The following TBCE variants were observed in gnomAD, a reference collection of about 807,000 sequenced individuals.
TBCE encodes the protein tubulin folding cofactor E.
In TBCE, 53 loss-of-function variants were observed where a neutral mutation model predicts 77.0. That is an observed-to-expected ratio of 0.69 (90% confidence interval 0.55 to 0.87). TBCE has a LOEUF of 0.87. TBCE is among the 40% of genes least tolerant of loss of function. TBCE has a pLI of 0.00. For missense variants in TBCE, 624 were observed against 622.4 expected (o/e 1.00, Z -0.03); for synonymous variants, 235 against 241.3 (o/e 0.97, Z 0.24).
intron 2 of TBCE, among the ~76,000 whole-genome samples, chr1:235,393,082 AG>A (rs1430009649): frequency 2.6e-5 from 4 of 152,188 alleles, no homozygotes; most frequent in African/African-American, 9.6e-5. Flanking sequence ...CTTCCCATAT[AG>A]AGAAAAATCT....
At chr1:235,371,864 G>C (rs1676979057) in intron 1 of TBCE, among the ~76,000 whole-genome samples, 1 of 152,134 alleles carries the variant, frequency 6.6e-6, no homozygotes. Context: ...GTAGAGGTGG[G>C]GGTTTCACCA....
chr1:235,402,215 G>A (rs889726860), intron 3 of TBCE, among the ~76,000 whole-genome samples: 14 of 150,936 alleles, frequency 9.3e-5, no homozygotes, highest in Non-Finnish European at 1.5e-4. Context: ...AGGTGCCCAC[G>A]ACCACGCCTG....
At chr1:235,402,890 C>G (rs537989261) in intron 3 of TBCE, among the ~76,000 whole-genome samples, 1 of 152,276 alleles carries the variant, frequency 6.6e-6, no homozygotes, top group African/African-American at 2.4e-5. Context: ...CTCGGCTTCT[C>G]AAAGTGCTGG....
intron 1 of TBCE, among the ~76,000 whole-genome samples, chr1:235,371,832 C>T (rs1201360768): frequency 6.6e-6 from 1 of 152,088 alleles, no homozygotes; most frequent in Admixed American, 6.6e-5. Flanking sequence ...GCCAGCATAC[C>T]CAGCTAATTT....
rs1238630472 is a variant in TBCE at position 235,380,140 on chromosome 1, C to T, written c.91C>T (p.Pro31Ser). The stretch of plus-strand genomic sequence containing the variant: ...AGTACGTTTTGCTGGTGTTGTCCCT[C>T]CCGTGGCAGGTAAGCAATTATTGTG... ...ATVRFAGVVP[P>S]VAGPWLGVEW... is the part of the protein sequence containing the mutation. Residue 31 changes from proline to serine, a missense_variant, in exon 2 of 17, where the codon CCC becomes TCC. Coordinates refer to ENST00000642610, the MANE Select transcript of TBCE (RefSeq NM_003193.5). The T allele has an allele frequency of 6.2e-7, 1 of 1,611,100 alleles. No homozygotes were observed. The highest frequency in any genetic ancestry group is 1.1e-5 in the South Asian group (1 of 91,012).
Position 235,435,801 on chromosome 1 carries a change from T to C in TBCE, c.794T>C (p.Ile265Thr). The C allele has an allele frequency of 6.2e-7, 1 of 1,614,190 alleles. No individual in the cohort carries two copies. Among genetic ancestry groups the C allele is most frequent in the Non-Finnish European group, 8.5e-7 (1 of 1,180,024 alleles). The change falls in exon 9 of 17, where the codon ATT becomes ACT. Residue 265 changes from isoleucine to threonine, a missense_variant. Ile to Thr is a moderately conservative substitution (Grantham distance 89). Transcript: ENST00000642610. ...KLLDLSSNQL[I>T]DENQLYLIAH... ...TTAGATCTTTCCTCTAATCAATTAA[T>C]TGATGAAAATCAGCTGTATCTGATA...
chr1:235,420,771 A>G (rs1319689677), intron 5 of TBCE, among the ~76,000 whole-genome samples: 1 of 151,970 alleles, frequency 6.6e-6, no homozygotes, highest in Non-Finnish European at 1.5e-5. Flanking sequence ...GTGAGCCACC[A>G]CGCCTGGCCT....
chr1:235,442,035 T>C (rs979514545), intron 14 of TBCE, among the ~76,000 whole-genome samples, 153 bp downstream of exon 14: 27 of 149,400 alleles, frequency 1.8e-4, no homozygotes, highest in African/African-American at 6.7e-4. Context: ...TGAGACAGAG[T>C]CTCCCTCTGT....
intron 15 of TBCE, among the ~76,000 whole-genome samples, chr1:235,445,033 G>T (rs1169864254): frequency 1.3e-5 from 2 of 152,196 alleles, no homozygotes; most frequent in African/African-American, 4.8e-5. Flanking sequence ...GCCATTTTGG[G>T]AACACCCACT....
At chr1:235,400,904 G>C (rs1189342804) in intron 2 of TBCE, among the ~76,000 whole-genome samples, 3 of 149,246 alleles carry the variant, frequency 2.0e-5, no homozygotes, top group Non-Finnish European at 4.4e-5. Flanking sequence ...ACGTTGGTCA[G>C]GCCAGTCTCG....
Position 235,415,084 on chromosome 1 carries a change from T to C in TBCE, c.371+466T>C, listed in dbSNP as rs1474191222. 1.8e-5 allele frequency: 4 copies of C among 223,330 alleles called. No homozygotes were observed. In the South Asian group the frequency reaches 2.7e-4, roughly 15 times the overall value. 13.8% of individuals were successfully genotyped at this position (223,330 alleles called of 1,614,324 possible). A position where few individuals can be genotyped will look rare whatever the true frequency, so the allele number is the denominator to read the frequency against. On this transcript the variant is annotated intron_variant, in intron 4 of 16. Transcript: ENST00000642610. ...GGAGCTGTGGAACATGCGGCATCCT[T>C]GGTCCCATCCCAGATCTGCTCAATC...
intron 7 of TBCE, chr1:235,433,050 C>T (rs1572424567): frequency 1.3e-6 from 2 of 1,552,426 alleles, no homozygotes; most frequent in East Asian, 2.4e-5. Context: ...CCAGCAACTG[C>T]ATCATCAGTG....
In TBCE at chr1:235,397,410, C is replaced by T. The variant is rs535617319; in HGVS notation, c.101-4093C>T. ...GTAGAGACAGGGTTTCACCGTGGTGCTAGCCAGGATGGTCTCGATCTCCTG... is the reference window on the plus strand; with the variant it reads ...GTAGAGACAGGGTTTCACCGTGGTGTTAGCCAGGATGGTCTCGATCTCCTG... On this transcript the variant is annotated intron_variant, in intron 2 of 16. Transcript: ENST00000642610. Among the ~76,000 whole-genome samples the T allele has an allele frequency of 7.9e-5, 12 of 152,138 alleles. No individual in the cohort carries two copies. The East Asian group carries it at 2.3e-3, about 29-fold the overall frequency.
chr1:235,388,809 G>A (rs1225295388), intron 2 of TBCE, among the ~76,000 whole-genome samples: 1 of 152,222 alleles, frequency 6.6e-6, no homozygotes, highest in African/African-American at 2.4e-5. Flanking sequence ...AGGAAAGAGA[G>A]TAAGCAAGGT....
chr1:235,427,191 T>A lies in TBCE; in HGVS notation c.512T>A (p.Val171Glu), dbSNP rs1680771305. The A allele has an allele frequency of 6.2e-7, 1 of 1,614,072 alleles. No individual in the cohort carries two copies. The highest frequency in any genetic ancestry group is 1.3e-5 in the African/African-American group (1 of 75,054). The change falls in exon 6 of 17, where the codon GTG becomes GAG. Residue 171 changes from valine to glutamate, a missense_variant. Coordinates refer to ENST00000642610, the MANE Select transcript of TBCE (RefSeq NM_003193.5). The stretch of plus-strand genomic sequence containing the variant: ...AACCTGTTGTCATCATGGGATGAAG[T>A]GATACACATTGCTGATCAGCTCAGA... ...SKNLLSSWDEVIHIADQLRHL... is the reference protein window; with the variant it reads ...SKNLLSSWDEEIHIADQLRHL...
rs913149605 is a variant in TBCE, at chr1:235,433,216, G to A, written c.661-988G>A. 1.1e-5 allele frequency: 14 copies of A among 1,264,428 alleles called. No individual in the cohort carries two copies. In the East Asian group the frequency reaches 1.9e-4, roughly 17 times the overall value. 78.3% of individuals were successfully genotyped at this position (1,264,428 alleles called of 1,614,324 possible). The stretch of plus-strand genomic sequence containing the variant: ...TCTCTAATTGGCCATGGCCAAGGGC[G>A]TCATCTCAACTATTTGGTTTTTGAG... On this transcript the variant is annotated intron_variant, in intron 7 of 16. Coordinates refer to ENST00000642610, the MANE Select transcript of TBCE (RefSeq NM_003193.5).
intron 7 of TBCE, chr1:235,432,963 T>A (rs1572424266): frequency 1.4e-6 from 2 of 1,456,710 alleles, no homozygotes; most frequent in African/African-American, 1.4e-5. Flanking sequence ...CGCAGTGTGG[T>A]GGCAGCAGGC....
At chr1:235,448,008 A>C (rs902948533) in intron 15 of TBCE, among the ~76,000 whole-genome samples, 1 of 152,114 alleles carries the variant, frequency 6.6e-6, no homozygotes, top group Non-Finnish European at 1.5e-5. Context: ...CAGGAGTTCA[A>C]GACCAGCCTG....
intron 6 of TBCE, among the ~76,000 whole-genome samples, chr1:235,427,933 G>C (rs979935471): frequency 9.9e-5 from 15 of 152,114 alleles, no homozygotes; most frequent in African/African-American, 3.6e-4. Flanking sequence ...AGGAGGCTGA[G>C]ACAAGATAAT....
Sources: allele counts gnomAD v4.1 joint callset (sites outside exome capture counted in the v4.1 genomes callset), GRCh38; gene constraint gnomAD v4.1.1; transcripts MANE v1.5; gene names NCBI Gene and HGNC (gene_info 2026-07-23, HGNC 2026-07-21).